The following TES variants were observed in gnomAD, a reference collection of about 807,000 sequenced individuals.
The protein encoded by TES is testin LIM domain protein, also known as testin.
Under a neutral mutation model 48.2 loss-of-function variants are expected in TES, and 41 were observed. That is an observed-to-expected ratio of 0.85 (90% CI 0.66 to 1.10). The LOEUF (loss-of-function observed/expected upper bound fraction) is 1.10. Ranked by LOEUF, TES falls within the 50% of genes least tolerant of loss-of-function variation. TES has a pLI of 0.00. For missense variants in TES, 463 were observed against 515.1 expected, an observed-to-expected ratio of 0.90 and a Z score of 0.98; for synonymous variants, 162 against 174.9, an observed-to-expected ratio of 0.93 and a Z score of 0.58.
At position 116,258,716 on chromosome 7, in the gene TES, T is replaced by C. The variant is rs1480018858; in HGVS notation, c.*1234T>C. The C allele has an allele frequency of 6.6e-6, 1 of 152,652 alleles. No homozygotes were observed. Among genetic ancestry groups the C allele is most frequent in the African/African-American group, 2.4e-5 (1 of 41,460 alleles). 9.5% of individuals were successfully genotyped at this position (152,652 alleles called of 1,614,324 possible). On this transcript the variant is annotated 3_prime_UTR_variant, in exon 7 of 7. Transcript: ENST00000358204. ...CCCTGTGTACTTCTACACATAGCTA[T>C]GCACTATGAAAATTAAATGGAATGA...
chr7:116,257,168 A>G (rs2402058), intron 6 of TES, 126 bp from the exon 7 acceptor site: 418,312 of 1,020,328 alleles, frequency 0.41, 88,077 homozygotes, highest in East Asian at 0.59. Flanking sequence ...GCCACCCTCC[A>G]TTGTGTATTT....
chr7:116,249,300 T>G (rs1224958542), intron 3 of TES, 28 bp downstream of exon 3: 1 of 1,613,084 alleles, frequency 6.2e-7, no homozygotes, highest in East Asian at 2.2e-5. Context: ...GAGAGTTTCT[T>G]TATTGAAGTT....
At chr7:116,223,196 C>T (rs1259850139) in intron 1 of TES, among the ~76,000 whole-genome samples, 1 of 152,026 alleles carries the variant, frequency 6.6e-6, no homozygotes, top group Non-Finnish European at 1.5e-5. Context: ...AAAAGGGGGG[C>T]CTAAATTTCG....
chr7:116,231,316 AATG>A (rs1799697048), intron 1 of TES, among the ~76,000 whole-genome samples: 1 of 152,210 alleles, frequency 6.6e-6, no homozygotes, highest in South Asian at 2.1e-4. Context: ...TAATAAATAA[AATG>A]ATAGCTATTT....
Position 116,256,139 on chromosome 7 carries a change from A to G in TES, c.1078-1155A>G, listed in dbSNP as rs544180857. Among the ~76,000 whole-genome samples the G allele has an allele frequency of 4.6e-5, 7 of 152,290 alleles. No homozygotes were observed. In the East Asian group the frequency reaches 1.2e-3, roughly 25 times the overall value. ...CTAACTTATAGATTACAGAGCTATA[A>G]TCTCTGTAATCAGAAGCAATGTAAC... On this transcript the variant is annotated intron_variant, in intron 6 of 6. Transcript: ENST00000358204.
intron 1 of TES, among the ~76,000 whole-genome samples, chr7:116,224,012 G>C (rs997087203): frequency 4.6e-5 from 7 of 152,220 alleles, no homozygotes; most frequent in African/African-American, 1.7e-4. Flanking sequence ...TGTGGCAGAA[G>C]CAATGGCATC....
intron 2 of TES, among the ~76,000 whole-genome samples, chr7:116,237,281 A>T (rs1799784035): frequency 6.6e-6 from 1 of 152,082 alleles, no homozygotes; most frequent in African/African-American, 2.4e-5. Flanking sequence ...ATCAGAGTTA[A>T]ATTATTCTCT....
chr7:116,244,951 C>T (rs1212387219), intron 2 of TES, among the ~76,000 whole-genome samples: 1 of 152,142 alleles, frequency 6.6e-6, no homozygotes, highest in African/African-American at 2.4e-5. Flanking sequence ...CTTTTAGCCA[C>T]CACTGGAGCT....
At chr7:116,242,332 C>T (rs1450072924) in intron 2 of TES, among the ~76,000 whole-genome samples, 2 of 152,118 alleles carry the variant, frequency 1.3e-5, no homozygotes, top group African/African-American at 4.8e-5. Flanking sequence ...AAGTAAAGAA[C>T]ATGCTGTAGT....
chr7:116,217,703 C>T, intron 1 of TES: 2 of 494,976 alleles, frequency 4.0e-6, no homozygotes, highest in South Asian at 3.1e-5. Context: ...TAATTGATAA[C>T]TTCACTACTG....
chr7:116,246,984 T>C (rs367783118), intron 2 of TES, among the ~76,000 whole-genome samples: 388 of 147,052 alleles, frequency 2.6e-3, no homozygotes, highest in Non-Finnish European at 4.5e-3. Flanking sequence ...TATGTCCTAG[T>C]GTCAAGTACA....
At chr7:116,249,959 G>T (rs1035786562) in intron 3 of TES, 7 of 399,610 alleles carry the variant, frequency 1.8e-5, no homozygotes, top group Non-Finnish European at 3.1e-5. Context: ...ATTTCATGGA[G>T]AGAAAGTGTT....
At chr7:116,218,349 CATTAATGCATCTCTA>C in intron 1 of TES, among the ~76,000 whole-genome samples, 1 of 152,270 alleles carries the variant, frequency 6.6e-6, no homozygotes, top group Middle Eastern at 3.4e-3. Context: ...ATAAGGAGTC[CATTAATGCATCTCTA>C]GCCACAATGA....
chr7:116,210,869 C>G, intron 1 of TES, 135 bp downstream of exon 1: 2 of 776,892 alleles, frequency 2.6e-6, no homozygotes, highest in Non-Finnish European at 3.5e-6. Context: ...TGCGGTGCCC[C>G]GGGCCCAGGG....
rs536188169 is a variant in TES, at chr7:116,231,820, AAGC to A, written c.28-2710_28-2708del. Among the ~76,000 whole-genome samples the A allele has an allele frequency of 2.6e-4, 40 of 152,228 alleles. No homozygotes were observed. The East Asian group carries it at 6.0e-3, about 23-fold the overall frequency. Reference sequence around the variant, plus strand: ...TTTCTGCTAATGCTGGTCAGCTGTGAAGCAGCGCCCACCCACCCCCAGCTCCCC... The same window carrying A: ...TTTCTGCTAATGCTGGTCAGCTGTGAAGCGCCCACCCACCCCCAGCTCCCC... On this transcript the variant is annotated intron_variant, in intron 1 of 6. Transcript: ENST00000358204.
chr7:116,246,947 CT>C (rs35662534), intron 2 of TES, among the ~76,000 whole-genome samples: 23,752 of 130,922 alleles, frequency 0.18, 2,065 homozygotes, highest in Middle Eastern at 0.25. Flanking sequence ...GACTAGGCCC[CT>C]TTTTTTTTTT....
chr7:116,211,996 T>A (rs1799444229), intron 1 of TES, among the ~76,000 whole-genome samples: 1 of 152,244 alleles, frequency 6.6e-6, no homozygotes, highest in African/African-American at 2.4e-5. Flanking sequence ...CATTCTATTC[T>A]CTTCCCATTT....
intron 1 of TES, chr7:116,217,969 A>G (rs756192551): frequency 6.2e-6 from 3 of 486,058 alleles, no homozygotes; most frequent in Non-Finnish European, 8.3e-6. Flanking sequence ...ATTTTGGTCA[A>G]ATTCAAAAAA....
Position 116,257,510 on chromosome 7 carries a change from A to G in TES, c.*28A>G, listed in dbSNP as rs1300567336. 2 of 1,530,354 alleles carry G rather than the reference A, an allele frequency of 1.3e-6. No individual in the cohort carries two copies. The highest frequency in any genetic ancestry group is 1.8e-6 in the Non-Finnish European group (2 of 1,136,138). The allele number at this position is 1,530,354 out of a possible 1,614,324, so 94.8% of individuals were successfully genotyped here. On this transcript the variant is annotated 3_prime_UTR_variant, in exon 7 of 7. Coordinates refer to ENST00000358204, the MANE Select transcript of TES (RefSeq NM_015641.4). ...GGAGGGCACCCAGAAGTATCGAGCC[A>G]TAGCTATCCAAAGTGGTCTGCATTT... is the stretch of plus-strand genomic sequence containing the variant.
Sources: allele counts gnomAD v4.1 joint callset (sites outside exome capture counted in the v4.1 genomes callset), GRCh38; gene constraint gnomAD v4.1.1; transcripts MANE v1.5; gene names NCBI Gene and HGNC (gene_info 2026-07-23, HGNC 2026-07-21).